The following ZMYM4 variants were observed in gnomAD, a reference collection of about 807,000 sequenced individuals.
ZMYM4 encodes zinc finger MYM-type containing 4.
A neutral mutation model predicts 183.2 loss-of-function variants in ZMYM4; 31 were observed. The ratio of observed to expected loss-of-function variants is 0.17; its 90% CI spans 0.13 to 0.23. The LOEUF (loss-of-function observed/expected upper bound fraction) is 0.23, where lower values mean the gene tolerates loss of function less well. Ranked by LOEUF, ZMYM4 falls within the 10% of genes least tolerant of loss-of-function variation. ZMYM4 has a pLI of 1.00. For missense variants in ZMYM4, 1,273 were observed against 1,840.3 expected (o/e 0.69, Z 5.64); for synonymous variants, 592 against 631.2 (o/e 0.94, Z 0.93).
intron 1 of ZMYM4, among the ~76,000 whole-genome samples, chr1:35,282,341 G>A (rs1640216867): frequency 6.6e-6 from 1 of 152,146 alleles, no homozygotes; most frequent in East Asian, 1.9e-4. Context: ...CCATGCTGTG[G>A]TGCAGCACAT....
intron 7 of ZMYM4, among the ~76,000 whole-genome samples, chr1:35,380,367 G>T (rs938501168): frequency 6.6e-6 from 1 of 151,196 alleles, no homozygotes; most frequent in Admixed American, 6.6e-5. Context: ...TCGCTCTGTC[G>T]CCCATGCTGG....
chr1:35,355,073 G>A (rs752193414), intron 2 of ZMYM4, among the ~76,000 whole-genome samples: 7 of 151,458 alleles, frequency 4.6e-5, no homozygotes, highest in African/African-American at 1.5e-4. Flanking sequence ...TCTAACTGTC[G>A]CCCAGGCTGG....
chr1:35,352,386 GCACACACACACACACACACACA>G (rs374281470), intron 2 of ZMYM4, among the ~76,000 whole-genome samples: 2 of 128,394 alleles, frequency 1.6e-5, no homozygotes, highest in Non-Finnish European at 3.3e-5. Flanking sequence ...AAAAATTAGC[GCACACACACACACACACACACA>G]CACACACACA....
chr1:35,378,872 C>T (rs773650017), intron 7 of ZMYM4, among the ~76,000 whole-genome samples: 1 of 152,168 alleles, frequency 6.6e-6, no homozygotes, highest in Non-Finnish European at 1.5e-5. Flanking sequence ...GCTGCTTCAC[C>T]TTGTACTTTG....
chr1:35,371,092 TGTGTGTGTGTGTGTGC>T (rs1373283777), intron 7 of ZMYM4, among the ~76,000 whole-genome samples: 245 of 127,468 alleles, frequency 1.9e-3, no homozygotes, highest in Admixed American at 4.9e-3. Flanking sequence ...TGTGTGTGTG[TGTGTGTGTGTGTGTGC>T]GCACATTTAT....
intron 18 of ZMYM4, among the ~76,000 whole-genome samples, chr1:35,394,993 T>C (rs969810576): frequency 6.6e-6 from 1 of 152,062 alleles, no homozygotes; most frequent in Admixed American, 6.6e-5. Context: ...TAGAAGGAAA[T>C]TCTTGATTTC....
chr1:35,387,570 G>A lies in ZMYM4; in HGVS notation c.2229G>A (p.Arg743=). The A allele has an allele frequency of 6.2e-7, 1 of 1,613,322 alleles. No homozygotes were observed. Among genetic ancestry groups the A allele is most frequent in the South Asian group, 1.1e-5 (1 of 90,830 alleles). ...AGAAAATTGTAAAGGAGACTGTTCG[G>A]TTCTCAGGTGCTGACAAGTCATTCT... ...KIEKIVKETV[R]FSGADKSFCS... is the part of the protein sequence containing the mutation. Residue 743 remains arginine (R), a synonymous_variant, in exon 13 of 30, where the codon CGG becomes CGA. Transcript: ENST00000314607.
chr1:35,308,931 C>T (rs1362597314), intron 1 of ZMYM4: 1 of 979,050 alleles, frequency 1.0e-6, no homozygotes, highest in Non-Finnish European at 1.2e-6. Flanking sequence ...AACAATAATA[C>T]CAAATAATTG....
Position 35,268,947 on chromosome 1 carries a change from C to G in ZMYM4, c.-100C>G. Reference sequence around the variant, plus strand: ...GCCCGGCCGGGTCCGGGGAAGCTGCCGCGAGGCGGCCGTGCCTGCAGTGTG... The same window carrying G: ...GCCCGGCCGGGTCCGGGGAAGCTGCGGCGAGGCGGCCGTGCCTGCAGTGTG... On this transcript the variant is annotated 5_prime_UTR_variant, in exon 1 of 30. Transcript: ENST00000314607. The G allele has an allele frequency of 7.7e-7, 1 of 1,296,714 alleles. No individual in the cohort carries two copies. The highest frequency in any genetic ancestry group is 9.9e-7 in the Non-Finnish European group (1 of 1,013,400). 80.3% of individuals were successfully genotyped at this position (1,296,714 alleles called of 1,614,324 possible).
Position 35,381,532 on chromosome 1 carries a change from TATTTAATTTCTAG to T in ZMYM4, c.1357-10_1359del. 1 of 1,614,108 alleles carries T rather than the reference TATTTAATTTCTAG, an allele frequency of 6.2e-7. No homozygotes were observed. Among genetic ancestry groups the T allele is most frequent in the Non-Finnish European group, 8.5e-7 (1 of 1,179,946 alleles). On this transcript the variant is annotated splice_acceptor_variant and splice_polypyrimidine_tract_variant and intron_variant, in intron 8 of 29. Transcript: ENST00000314607. LOFTEE classifies it high-confidence loss of function. ...CTGCTCCTTGTTTTTGTGTTGCTGT[TATTTAATTTCTAG>T]ATTCGACATGAAGTTAATTACCAGA...
At chr1:35,370,803 C>A in intron 7 of ZMYM4, 176 bp downstream of exon 7, 1 of 765,424 alleles carries the variant, frequency 1.3e-6, no homozygotes, top group Non-Finnish European at 1.8e-6. Flanking sequence ...TTCAGTCTTC[C>A]AGGTGCTAGG....
intron 1 of ZMYM4, among the ~76,000 whole-genome samples, chr1:35,304,638 A>AT (rs150115066): frequency 0.043 from 5,237 of 121,640 alleles, 258 homozygotes; most frequent in East Asian, 0.26. Context: ...TTTTTTTTGT[A>AT]TTTTTTTTTT....
chr1:35,409,953 A>AG lies in ZMYM4; in HGVS notation c.3948+1794_3948+1795insG, dbSNP rs1183651230. On this transcript the variant is annotated intron_variant, in intron 26 of 29. Transcript: ENST00000314607. ...AGACTCTGTCTCAAAAAAAAAAAAA[A>AG]AAATTCTCATGCAGAATCATGGCTT... 1.2e-4 allele frequency among the ~76,000 whole-genome samples: 18 copies of AG among 152,160 alleles called. No homozygotes were observed. In the South Asian group the frequency reaches 3.7e-3, roughly 32 times the overall value.
intron 2 of ZMYM4, among the ~76,000 whole-genome samples, chr1:35,344,110 G>A (rs1012455158): frequency 6.6e-6 from 1 of 151,130 alleles, no homozygotes; most frequent in African/African-American, 2.4e-5. Flanking sequence ...CTGGAGTGCA[G>A]TGGCGCTATC....
chr1:35,416,030 C>T (rs1640101396), intron 28 of ZMYM4, among the ~76,000 whole-genome samples: 1 of 152,182 alleles, frequency 6.6e-6, no homozygotes, highest in Admixed American at 6.5e-5. Flanking sequence ...AATTTACTAG[C>T]CCCAGATGAG....
chr1:35,378,046 A>G (rs1644372169), intron 7 of ZMYM4, among the ~76,000 whole-genome samples: 1 of 152,168 alleles, frequency 6.6e-6, no homozygotes, highest in Admixed American at 6.5e-5. Context: ...CCAGGAGTAA[A>G]TTCCATGACA....
At chr1:35,315,492 C>T (rs1570333570) in intron 1 of ZMYM4, among the ~76,000 whole-genome samples, 1 of 152,130 alleles carries the variant, frequency 6.6e-6, no homozygotes, top group African/African-American at 2.4e-5. Flanking sequence ...GTTAGCCAGT[C>T]TTTTTTTGAT....
chr1:35,395,093 T>C (rs913878064), intron 18 of ZMYM4, among the ~76,000 whole-genome samples: 2 of 152,214 alleles, frequency 1.3e-5, no homozygotes, highest in African/African-American at 2.4e-5. Flanking sequence ...TAGATTCTTA[T>C]TCAGTGAGGC....
chr1:35,392,141 C>A, intron 15 of ZMYM4, 71 bp from the exon 16 acceptor site: 1 of 1,590,360 alleles, frequency 6.3e-7, no homozygotes, highest in Non-Finnish European at 8.6e-7. Flanking sequence ...TGTTTAACTT[C>A]CTTGAAATGG....
Sources: allele counts gnomAD v4.1 joint callset (sites outside exome capture counted in the v4.1 genomes callset), GRCh38; gene constraint gnomAD v4.1.1; transcripts MANE v1.5; gene names NCBI Gene and HGNC (gene_info 2026-07-23, HGNC 2026-07-21).